Variants in SGMS2 observed in about 807,000 individuals in gnomAD.
The protein encoded by SGMS2 is phosphatidylcholine:ceramide cholinephosphotransferase 2.
In SGMS2, 21 loss-of-function variants were observed where a neutral mutation model predicts 43.8. The observed-to-expected ratio is 0.48, with a 90% CI of 0.34 to 0.69. The LOEUF is 0.69. SGMS2 is among the 30% of genes least tolerant of loss of function. The pLI, the probability that SGMS2 is intolerant of heterozygous loss-of-function variation, is 0.01. For synonymous variants in SGMS2, 167 were observed against 160.6 expected (o/e 1.04, Z -0.30); for missense variants, 384 against 443.2 (o/e 0.87, Z 1.20).
intron 2 of SGMS2, chr4:107,867,853 G>C (rs997945904): frequency 1.3e-5 from 2 of 151,990 alleles, no homozygotes; most frequent in Non-Finnish European, 2.9e-5. Context: ...CTTGTGCGGG[G>C]GCCATGCTAA....
chr4:107,852,801 C>A (rs1727226747), intron 1 of SGMS2, among the ~76,000 whole-genome samples: 2 of 150,210 alleles, frequency 1.3e-5, no homozygotes, highest in African/African-American at 4.9e-5. Flanking sequence ...CAGAACTAAT[C>A]TTTGTTGATG....
chr4:107,832,119 G>A (rs138166818), intron 1 of SGMS2, among the ~76,000 whole-genome samples: 34 of 152,266 alleles, frequency 2.2e-4, no homozygotes, highest in African/African-American at 8.2e-4. Context: ...TTTGTTCAGC[G>A]AGTTGTTGAA....
chr4:107,905,413 C>T (rs1731472329), intron 5 of SGMS2, among the ~76,000 whole-genome samples: 1 of 152,194 alleles, frequency 6.6e-6, no homozygotes, highest in African/African-American at 2.4e-5. Flanking sequence ...AGCTACAATT[C>T]AAGATGAGAT....
At chr4:107,879,644 G>A (rs985767758) in intron 2 of SGMS2, among the ~76,000 whole-genome samples, 1 of 151,668 alleles carries the variant, frequency 6.6e-6, no homozygotes, top group Admixed American at 6.6e-5. Context: ...GTATTTTTAG[G>A]AGAGACAGGG....
intron 2 of SGMS2, among the ~76,000 whole-genome samples, chr4:107,872,430 G>C (rs1362480563): frequency 6.6e-6 from 1 of 152,030 alleles, no homozygotes; most frequent in African/African-American, 2.4e-5. Flanking sequence ...GCTCCATGAG[G>C]GAAGCGACTT....
chr4:107,902,289 CAA>C (rs34388036), intron 4 of SGMS2, among the ~76,000 whole-genome samples: 2 of 124,514 alleles, frequency 1.6e-5, no homozygotes. Context: ...GACCCTGTCT[CAA>C]AAAAAAAAAA....
chr4:107,857,838 A>G (rs1412732219), intron 1 of SGMS2, among the ~76,000 whole-genome samples: 1 of 152,120 alleles, frequency 6.6e-6, no homozygotes, highest in African/African-American at 2.4e-5. Flanking sequence ...TAGTCCTTCT[A>G]CTGTCCTATA....
chr4:107,839,023 T>C (rs1377252634), intron 1 of SGMS2, among the ~76,000 whole-genome samples: 1 of 152,192 alleles, frequency 6.6e-6, no homozygotes, highest in African/African-American at 2.4e-5. Context: ...TTCTGAAGGC[T>C]TGCTTAGCTC....
chr4:107,885,250 A>G lies in SGMS2; in HGVS notation c.-244-10060A>G, dbSNP rs529481224. On this transcript the variant is annotated intron_variant, in intron 2 of 6. Transcript: ENST00000690982. ...ACATTTTTTTTTTTAACTAAGCATG[A>G]TTTATTCCAGAAATGTAAGGAAGAT... 2.6e-5 allele frequency among the ~76,000 whole-genome samples: 4 copies of G among 151,966 alleles called. No individual in the cohort carries two copies. In the East Asian group the frequency reaches 7.7e-4, roughly 29 times the overall value.
At chr4:107,856,143 G>A (rs990933250) in intron 1 of SGMS2, among the ~76,000 whole-genome samples, 9 of 152,098 alleles carry the variant, frequency 5.9e-5, no homozygotes, top group Non-Finnish European at 8.8e-5. Flanking sequence ...CTGCCTCTGT[G>A]ATTCTACATT....
intron 2 of SGMS2, chr4:107,867,597 C>T (rs1348763855): frequency 1.3e-5 from 2 of 152,212 alleles, no homozygotes; most frequent in Non-Finnish European, 1.5e-5. Flanking sequence ...GGCTTCACTG[C>T]TTACTAGTTG....
chr4:107,882,816 T>C (rs1042989825), intron 2 of SGMS2, among the ~76,000 whole-genome samples: 5 of 152,202 alleles, frequency 3.3e-5, no homozygotes, highest in African/African-American at 4.8e-5. Context: ...TCAACTGATA[T>C]TCAATTCAAT....
At chr4:107,853,040 A>T (rs1727238144) in intron 1 of SGMS2, among the ~76,000 whole-genome samples, 1 of 152,194 alleles carries the variant, frequency 6.6e-6, no homozygotes, top group South Asian at 2.1e-4. Flanking sequence ...GCATTTGTTT[A>T]AAATTATTTA....
intron 5 of SGMS2, among the ~76,000 whole-genome samples, chr4:107,904,785 T>G (rs1346033176): frequency 2.6e-5 from 4 of 152,178 alleles, no homozygotes; most frequent in Non-Finnish European, 5.9e-5. Context: ...ATTGAGTTAT[T>G]GGTTCTGGGG....
intron 1 of SGMS2, among the ~76,000 whole-genome samples, chr4:107,835,279 C>T (rs766284114): frequency 5.9e-5 from 9 of 151,836 alleles, no homozygotes; most frequent in Non-Finnish European, 1.2e-4. Context: ...AAGAGATTGT[C>T]TTGTGTAGAA....
chr4:107,888,147 G>A (rs1188836069), intron 2 of SGMS2, among the ~76,000 whole-genome samples: 4 of 152,044 alleles, frequency 2.6e-5, no homozygotes, highest in Non-Finnish European at 5.9e-5. Context: ...CAGTGTCTTA[G>A]GAATGCAGTT....
At chr4:107,879,742 G>A (rs761815666) in intron 2 of SGMS2, among the ~76,000 whole-genome samples, 1 of 152,124 alleles carries the variant, frequency 6.6e-6, no homozygotes, top group African/African-American at 2.4e-5. Context: ...GATTATAGGC[G>A]TGAGCCACCG....
intron 5 of SGMS2, among the ~76,000 whole-genome samples, chr4:107,903,714 GAATT>G (rs1731326601): frequency 2.0e-5 from 3 of 152,014 alleles, no homozygotes; most frequent in Admixed American, 2.0e-4. Context: ...CTTAATATTG[GAATT>G]AATTGTTAAT....
At chr4:107,851,776 A>G (rs1041056937) in intron 1 of SGMS2, among the ~76,000 whole-genome samples, 5 of 152,104 alleles carry the variant, frequency 3.3e-5, no homozygotes, top group Non-Finnish European at 7.4e-5. Context: ...TTTCATTTCT[A>G]TTTCAAAGAC....
Sources: gnomAD v4.1 joint callset for allele counts (sites outside exome capture counted in the v4.1 genomes callset) on GRCh38, gnomAD v4.1.1 for gene constraint, MANE v1.5 for transcripts, NCBI Gene and HGNC (gene_info 2026-07-23, HGNC 2026-07-21) for gene names.